The following ANKLE2 variants were observed in gnomAD, a reference collection of about 807,000 sequenced individuals.
ANKLE2 encodes ankyrin repeat and LEM domain containing 2, also known as ankyrin repeat and LEM domain-containing protein 2.
Under a neutral mutation model 84.2 loss-of-function variants are expected in ANKLE2, and 55 were observed. The ratio of observed to expected loss-of-function variants is 0.65; its 90% CI spans 0.53 to 0.82. The LOEUF is 0.82. Ranked by LOEUF, ANKLE2 falls within the 40% of genes least tolerant of loss-of-function variation. The pLI is 0.00. For synonymous variants in ANKLE2, 551 were observed against 486.1 expected, an observed-to-expected ratio of 1.13 and a Z score of -1.76; for missense variants, 1,238 against 1,201.9, an observed-to-expected ratio of 1.03 and a Z score of -0.44.
chr12:132,745,735 G>A (rs533167874), intron 5 of ANKLE2: 24 of 186,742 alleles, frequency 1.3e-4, no homozygotes, highest in African/African-American at 4.7e-4. Context: ...CGAGCCCGTC[G>A]GATCCCGCAC....
In ANKLE2 at chr12:132,761,678, C is replaced by G. The variant is rs2044629548; in HGVS notation, c.121G>C (p.Gly41Arg). ...ACTGGGGTCCCGCTGCGGCCCAGAC[C>G]TCCCGGCCGCGGGCCCAGCCGCCGC... ...LVRRLGPRPG[G>R]LGRSGTPVPP... The change falls in exon 1 of 13, where the codon GGT (glycine) becomes CGT (arginine). Residue 41 changes from glycine to arginine, a missense_variant. Coordinates refer to ENST00000357997, the MANE Select transcript of ANKLE2 (RefSeq NM_015114.3). 2 of 1,342,454 alleles carry G rather than the reference C, an allele frequency of 1.5e-6. No individual in the cohort carries two copies. Among genetic ancestry groups the G allele is most frequent in the Non-Finnish European group, 1.9e-6 (2 of 1,041,108 alleles). The allele number at this position is 1,342,454 out of a possible 1,614,324, so 83.2% of individuals were successfully genotyped here.
intron 1 of ANKLE2, 85 bp from the exon 2 acceptor site, chr12:132,755,218 A>C: frequency 1.6e-6 from 2 of 1,247,318 alleles, no homozygotes; most frequent in Non-Finnish European, 2.2e-6. Context: ...TTCATTATAT[A>C]ATGGCATCAG....
chr12:132,731,452 T>C (rs1165051300), intron 10 of ANKLE2: 3 of 152,178 alleles, frequency 2.0e-5, no homozygotes, highest in Non-Finnish European at 4.4e-5. Flanking sequence ...GAGTTTGTTT[T>C]ATAAATGAAG....
At chr12:132,755,192 G>C in intron 1 of ANKLE2, 59 bp from the exon 2 acceptor site, 1 of 1,450,298 alleles carries the variant, frequency 6.9e-7, no homozygotes, top group Non-Finnish European at 9.3e-7. Context: ...CTGAAGCTGG[G>C]TGATGGGTAC....
At chr12:132,740,603 G>T (rs577572321) in intron 7 of ANKLE2, among the ~76,000 whole-genome samples, 1 of 152,212 alleles carries the variant, frequency 6.6e-6, no homozygotes, top group Admixed American at 6.5e-5. Flanking sequence ...AATCTCACCA[G>T]CAAGCAGAAG....
At chr12:132,747,729 A>C in intron 5 of ANKLE2, 103 bp downstream of exon 5, 1 of 1,427,414 alleles carries the variant, frequency 7.0e-7, no homozygotes, top group Non-Finnish European at 9.4e-7. Context: ...TCTTTTCCCC[A>C]AAGTTATTAT....
intron 2 of ANKLE2, among the ~76,000 whole-genome samples, chr12:132,753,999 T>C (rs774419759): frequency 3.3e-4 from 50 of 152,032 alleles, no homozygotes; most frequent in Non-Finnish European, 6.6e-4. Flanking sequence ...TCTCAGCACT[T>C]TGGGAGGCCA....
At chr12:132,747,463 T>C (rs575524597) in intron 5 of ANKLE2, among the ~76,000 whole-genome samples, 8 of 152,292 alleles carry the variant, frequency 5.3e-5, no homozygotes, top group Middle Eastern at 3.4e-3. Context: ...CAGTGGCTCT[T>C]GGTAGGACAC....
rs143056544 is a variant in ANKLE2, at chr12:132,743,576, T to C, written c.1231-300A>G. ...ATTGGTGAGACTGGTCTCGAACTCC[T>C]GACCTCAGGTGATCCACCTGCCTTT... On this transcript the variant is annotated intron_variant, in intron 5 of 12. Coordinates refer to ENST00000357997, the MANE Select transcript of ANKLE2 (RefSeq NM_015114.3). The surrounding 1 kb of genome is among the most constrained non-coding windows in gnomAD (Gnocchi z 4.1). Among the ~76,000 whole-genome samples, 422 of 151,638 alleles carry C rather than the reference T, an allele frequency of 2.8e-3. No individual in the cohort carries two copies. The highest frequency in any genetic ancestry group is 0.021 in the Admixed American group (322 of 15,236).
chr12:132,737,088 G>A, intron 7 of ANKLE2, 23 bp from the exon 8 acceptor site: 1 of 1,573,110 alleles, frequency 6.4e-7, no homozygotes, highest in Non-Finnish European at 8.7e-7. Context: ...ACAGGCACTG[G>A]CTGCAGGCTT....
At chr12:132,741,758 A>G in intron 6 of ANKLE2, 1 of 582,708 alleles carries the variant, frequency 1.7e-6, no homozygotes, top group Non-Finnish European at 3.2e-6. Flanking sequence ...AGGAGAGGAA[A>G]AGGTACCAGC....
At position 132,750,694 on chromosome 12, in the gene ANKLE2, G is replaced by T. The variant is rs748729766; in HGVS notation, c.796C>A (p.Pro266Thr). 2.5e-6 allele frequency: 4 copies of T among 1,614,242 alleles called. No individual in the cohort carries two copies. In the Admixed American group the frequency reaches 6.7e-5, roughly 27 times the overall value. Reference sequence around the variant, plus strand: ...GGAGCTGTTTTCACAGGAGACAGTGGTAAGGACGTTTTGCTTGGAGAAGGG... The same window carrying T: ...GGAGCTGTTTTCACAGGAGACAGTGTTAAGGACGTTTTGCTTGGAGAAGGG... ...YFPSPSKTSLPLSPVKTAPLF... is the reference protein window; with the variant it reads ...YFPSPSKTSLTLSPVKTAPLF... Residue 266 changes from proline to threonine, a missense_variant, in exon 3 of 13, where the codon CCA (proline) becomes ACA (threonine). This residue lies in a region of ANKLE2 where 422 missense variants were observed against 394.5 expected (regional missense o/e 1.07). Coordinates refer to ENST00000357997, the MANE Select transcript of ANKLE2 (RefSeq NM_015114.3).
rs1444995716 is a variant in ANKLE2 at position 132,750,805 on chromosome 12, C to G, written c.685G>C (p.Val229Leu). Residue 229 changes from valine (V) to leucine (L), a missense_variant, in exon 3 of 13, where the codon GTC (valine) becomes CTC (leucine). By Grantham distance (32) the Val-to-Leu change is conservative. Around this residue, in one of 3 missense-constraint regions of ANKLE2, gnomAD observed 422 missense variants for 394.5 expected, o/e 1.07. Transcript: ENST00000357997. The stretch of plus-strand genomic sequence containing the variant: ...AATCGGGACCCTTTGATCATCTTGA[C>G]AGCTTGCAATGCTTCCTTTTTATTT... ...YENKKEALQAVKMIKGSRFKA... is the reference protein window; with the variant it reads ...YENKKEALQALKMIKGSRFKA... 6.2e-7 allele frequency: 1 copy of G among 1,614,066 alleles called. No individual in the cohort carries two copies. Among genetic ancestry groups the G allele is most frequent in the African/African-American group, 1.3e-5 (1 of 74,928 alleles).
intron 7 of ANKLE2, 193 bp from the exon 8 acceptor site, chr12:132,737,258 A>G (rs1321371649): frequency 5.6e-6 from 3 of 531,746 alleles, no homozygotes; most frequent in Non-Finnish European, 6.5e-6. Context: ...AAAGTCACAC[A>G]AGGTCTCAGA....
chr12:132,733,610 G>C (rs1297501991), intron 10 of ANKLE2, among the ~76,000 whole-genome samples: 3 of 150,372 alleles, frequency 2.0e-5, no homozygotes, highest in African/African-American at 7.4e-5. Flanking sequence ...CCTGGTGTCT[G>C]AAATGCACCG....
In ANKLE2 at chr12:132,729,731, C is replaced by A; in HGVS notation, c.2431G>T (p.Glu811Ter). 4 of 1,610,700 alleles carry A rather than the reference C, an allele frequency of 2.5e-6. No homozygotes were observed. The highest frequency in any genetic ancestry group is 3.4e-6 in the Non-Finnish European group (4 of 1,179,332). ...MSLSPSSPRH[E>*]DQLEVTREPA... The stretch of plus-strand genomic sequence containing the variant: ...TCCCTGGTGACCTCGAGCTGATCCT[C>A]GTGCCTGGGGCTGCTGGGACTCAAG... The change falls in exon 11 of 13, where the codon GAG becomes TAG. Residue 811 changes from glutamate to a stop codon, truncating the protein, a stop_gained. Coordinates refer to ENST00000357997, the MANE Select transcript of ANKLE2 (RefSeq NM_015114.3). LOFTEE classifies it high-confidence loss of function.
chr12:132,754,587 A>T (rs559515339), intron 2 of ANKLE2, 88 bp downstream of exon 2: 1 of 1,338,116 alleles, frequency 7.5e-7, no homozygotes, highest in East Asian at 2.4e-5. Context: ...TTTCCTTCTT[A>T]ATCTGTAGTT....
rs547755273 is a variant in ANKLE2, at chr12:132,744,838, G to A, written c.1231-1562C>T. ...TGGGACTACAGGTGCCCGCCACCAC[G>A]CCCAGCTAATTTTTTGTATTTTTAG... On this transcript the variant is annotated intron_variant, in intron 5 of 12. Coordinates refer to ENST00000357997, the MANE Select transcript of ANKLE2 (RefSeq NM_015114.3). Among the ~76,000 whole-genome samples the A allele has an allele frequency of 2.2e-3, 341 of 152,210 alleles. 2 individuals carry two copies. Among genetic ancestry groups the A allele is most frequent in the African/African-American group, 7.6e-3 (314 of 41,532 alleles).
chr12:132,759,071 TCGCTGCGGAGTGG>T (rs2044550160), intron 1 of ANKLE2: 1 of 122,582 alleles, frequency 8.2e-6, no homozygotes, highest in Admixed American at 9.1e-5. Context: ...GCAGAGAGGA[TCGCTGCGGAGTGG>T]CACCCCGGGG....
Sources: allele counts gnomAD v4.1 joint callset (sites outside exome capture counted in the v4.1 genomes callset), GRCh38; gene constraint gnomAD v4.1.1; regional missense constraint gnomAD v4.1.1; non-coding constraint Gnocchi (gnomAD v3.1); transcripts MANE v1.5; gene names NCBI Gene and HGNC (gene_info 2026-07-23, HGNC 2026-07-21).